Variants in DPH5 observed in about 807,000 individuals in gnomAD.
DPH5 encodes the protein diphthine methyl ester synthase.
In DPH5, 31 loss-of-function variants were observed where a neutral mutation model predicts 31.6. The observed-to-expected ratio is 0.98, with a 90% confidence interval of 0.74 to 1.32. DPH5 has a LOEUF of 1.32. Ranked by LOEUF, DPH5 falls within the 40% of genes most tolerant of loss-of-function variation. The pLI is 0.00. For missense variants in DPH5, 309 were observed against 335.7 expected, an observed-to-expected ratio of 0.92 and a Z score of 0.62; for synonymous variants, 120 against 115.0, an observed-to-expected ratio of 1.04 and a Z score of -0.28.
intron 4 of DPH5, among the ~76,000 whole-genome samples, chr1:101,008,316 T>C (rs1046198665): frequency 6.6e-6 from 1 of 152,216 alleles, no homozygotes; most frequent in African/African-American, 2.4e-5. Flanking sequence ...CATTACTTCA[T>C]TGTCTGCAGA....
At chr1:100,993,559 A>AAAATATATATAT (rs1658000461) in intron 6 of DPH5, among the ~76,000 whole-genome samples, 1 of 56,546 alleles carries the variant, frequency 1.8e-5, no homozygotes, top group East Asian at 5.6e-4. Flanking sequence ...CGAAAATATA[A>AAAATATATATAT]ATATATATAT....
intron 2 of DPH5, among the ~76,000 whole-genome samples, chr1:101,024,598 A>AAT (rs1660693469): frequency 6.6e-6 from 1 of 152,032 alleles, no homozygotes; most frequent in African/African-American, 2.4e-5. Flanking sequence ...TCCTCCCATA[A>AAT]CATATGTATT....
intron 6 of DPH5, among the ~76,000 whole-genome samples, chr1:100,994,272 C>T (rs996991478): frequency 1.2e-4 from 18 of 151,930 alleles, no homozygotes; most frequent in African/African-American, 4.4e-4. Flanking sequence ...AAAGCTGTTC[C>T]AAACATACTT....
chr1:101,000,176 T>C (rs1171054310), intron 5 of DPH5, among the ~76,000 whole-genome samples: 1 of 152,052 alleles, frequency 6.6e-6, no homozygotes. Flanking sequence ...ACAGAAATCT[T>C]GTCTTATATT....
intron 4 of DPH5, among the ~76,000 whole-genome samples, chr1:101,007,435 C>T (rs960829635): frequency 6.6e-6 from 1 of 152,014 alleles, no homozygotes; most frequent in African/African-American, 2.4e-5. Flanking sequence ...GGACTTTGGC[C>T]GGGCGCGGTG....
intron 5 of DPH5, among the ~76,000 whole-genome samples, chr1:100,998,399 C>T (rs1332035498): frequency 6.6e-6 from 1 of 151,804 alleles, no homozygotes; most frequent in African/African-American, 2.4e-5. Context: ...TAATCCCAGC[C>T]TCAGGAGGCT....
At chr1:101,024,528 G>C (rs1262589708) in intron 2 of DPH5, among the ~76,000 whole-genome samples, 2 of 152,142 alleles carry the variant, frequency 1.3e-5, no homozygotes, top group African/African-American at 2.4e-5. Flanking sequence ...AAAGTAATCT[G>C]AGGCCTAAAA....
intron 4 of DPH5, among the ~76,000 whole-genome samples, chr1:101,005,483 T>C (rs1428661119): frequency 1.3e-5 from 2 of 152,212 alleles, no homozygotes; most frequent in African/African-American, 4.8e-5. Flanking sequence ...GTAACATTGA[T>C]TTTTGATGAC....
Position 100,992,705 on chromosome 1 carries a change from C to T in DPH5, c.566G>A (p.Ser189Asn). The change falls in exon 7 of 8, where the codon AGT (serine) becomes AAT (asparagine). Residue 189 changes from serine to asparagine, a missense_variant. Transcript: ENST00000370109. ...AAGCTGCTGGGCTGCTTGGTTTACA[C>T]TCATATACCGTGGAGGTTCATAGAT... ...RKIYEPPRYM[S>N]VNQAAQQLLE... 1 of 1,613,894 alleles carries T rather than the reference C, an allele frequency of 6.2e-7. No homozygotes were observed.
At chr1:101,012,303 C>G (rs912863255) in intron 4 of DPH5, among the ~76,000 whole-genome samples, 4 of 152,244 alleles carry the variant, frequency 2.6e-5, no homozygotes, top group Non-Finnish European at 5.9e-5. Context: ...CTTTTAGCAG[C>G]CTGAAGCCAT....
intron 5 of DPH5, among the ~76,000 whole-genome samples, chr1:100,999,993 A>T (rs1374518542): frequency 6.6e-6 from 1 of 151,620 alleles, no homozygotes; most frequent in African/African-American, 2.4e-5. Flanking sequence ...AAAAAATACA[A>T]AAAATTAGCC....
intron 5 of DPH5, among the ~76,000 whole-genome samples, chr1:100,997,520 C>A (rs1298113756): frequency 7.2e-6 from 1 of 137,950 alleles, no homozygotes; most frequent in South Asian, 2.3e-4. Flanking sequence ...CACCTGCCAC[C>A]ACGCCCGGCT....
chr1:100,999,598 TG>T (rs577670397), intron 5 of DPH5, among the ~76,000 whole-genome samples: 100 of 152,242 alleles, frequency 6.6e-4, no homozygotes, highest in African/African-American at 2.4e-3. Flanking sequence ...CCCAGCACTT[TG>T]GGGGGCAGAG....
intron 3 of DPH5, among the ~76,000 whole-genome samples, chr1:101,016,924 C>T (rs1008290941): frequency 2.0e-4 from 31 of 152,252 alleles, no homozygotes; most frequent in African/African-American, 7.0e-4. Flanking sequence ...GGGGGAATGG[C>T]TGGTTGGTGG....
chr1:101,020,028 A>G (rs1485995201), intron 3 of DPH5, among the ~76,000 whole-genome samples: 1 of 152,230 alleles, frequency 6.6e-6, no homozygotes, highest in African/African-American at 2.4e-5. Context: ...GTTTTAGCAT[A>G]GCGGTTAAAG....
At chr1:100,990,738 C>G (rs1009767131) in intron 7 of DPH5, 107 bp from the exon 8 acceptor site, 1 of 1,051,508 alleles carries the variant, frequency 9.5e-7, no homozygotes, top group African/African-American at 1.6e-5. Flanking sequence ...CCCCAAATAT[C>G]TTAAATCTCT....
chr1:101,012,008 C>T (rs990451928), intron 4 of DPH5, among the ~76,000 whole-genome samples: 19 of 147,232 alleles, frequency 1.3e-4, no homozygotes, highest in African/African-American at 4.8e-4. Context: ...TAGGGTGATT[C>T]TCCTGCCTCA....
intron 2 of DPH5, among the ~76,000 whole-genome samples, chr1:101,022,122 T>C (rs1660502273): frequency 6.6e-6 from 1 of 152,114 alleles, no homozygotes; most frequent in Admixed American, 6.5e-5. Context: ...TTCAGAAACA[T>C]GATGTAATAC....
chr1:100,993,902 G>A (rs1180376093), intron 6 of DPH5, among the ~76,000 whole-genome samples: 1 of 151,552 alleles, frequency 6.6e-6, no homozygotes, highest in Non-Finnish European at 1.5e-5. Context: ...CACCATGCCT[G>A]GCTAATTTTT....
Sources: allele counts gnomAD v4.1 joint callset (sites outside exome capture counted in the v4.1 genomes callset), GRCh38; gene constraint gnomAD v4.1.1; transcripts MANE v1.5; gene names NCBI Gene and HGNC (gene_info 2026-07-23, HGNC 2026-07-21).